CUX1: variants seen among roughly 807,000 people sequenced by gnomAD.
The protein encoded by CUX1 is protein CASP.
Under a neutral mutation model 158.8 loss-of-function variants are expected in CUX1, and 31 were observed. That is an observed-to-expected ratio of 0.20 (90% CI 0.15 to 0.26). The LOEUF is 0.26. Ranked by LOEUF, CUX1 falls within the 10% of genes least tolerant of loss-of-function variation. The pLI, the probability that CUX1 is intolerant of heterozygous loss-of-function variation, is 1.00. For missense variants in CUX1, 1,589 were observed against 2,014.6 expected (o/e 0.79, Z 4.04); for synonymous variants, 879 against 862.1 (o/e 1.02, Z -0.34).
At chr7:101,889,582 CCAGCATGGT>C (rs1410434510) in intron 1 of CUX1, among the ~76,000 whole-genome samples, 1 of 152,102 alleles carries the variant, frequency 6.6e-6, no homozygotes, top group African/African-American at 2.4e-5. Flanking sequence ...ACCAGCCTGG[CCAGCATGGT>C]GGAACCCCAT....
intron 1 of CUX1, among the ~76,000 whole-genome samples, chr7:101,873,320 T>A (rs1053006576): frequency 6.7e-6 from 1 of 150,058 alleles, no homozygotes; most frequent in African/African-American, 2.4e-5. Flanking sequence ...TTAGCTATTT[T>A]TCCTAATGCT....
intron 2 of CUX1, among the ~76,000 whole-genome samples, chr7:101,978,362 C>G (rs1246896304): frequency 1.3e-5 from 2 of 152,194 alleles, no homozygotes; most frequent in Admixed American, 6.5e-5. Context: ...GCTGCTCAGG[C>G]TAAAACCTAG....
chr7:101,817,208 G>A, upstream of CUX1: 2 of 984,302 alleles, frequency 2.0e-6, no homozygotes, highest in Non-Finnish European at 1.2e-6. This position sits in a 1 kb window ranked among gnomAD's most constrained non-coding sequence, Gnocchi z 4.1. Context: ...GGCAGTGTAC[G>A]CTGCCTCCCC....
intron 1 of CUX1, among the ~76,000 whole-genome samples, chr7:101,835,799 G>C (rs961977326): frequency 6.6e-6 from 1 of 152,128 alleles, no homozygotes; most frequent in Non-Finnish European, 1.5e-5. Flanking sequence ...GCAATGGCGC[G>C]ATCTTGGCTC....
intron 11 of CUX1, among the ~76,000 whole-genome samples, chr7:102,187,674 A>ATT (rs59875022): frequency 2.1e-5 from 3 of 142,400 alleles, no homozygotes; most frequent in African/African-American, 7.7e-5. Flanking sequence ...AATTTTTTGT[A>ATT]TTTTTTTTTT....
chr7:102,000,111 AAGGCTG>A (rs1816500828), intron 2 of CUX1, among the ~76,000 whole-genome samples: 1 of 152,118 alleles, frequency 6.6e-6, no homozygotes, highest in South Asian at 2.1e-4. Context: ...AGTTACTCAG[AAGGCTG>A]AGGCAGGAGA....
At chr7:102,148,468 C>T (rs549047441) in intron 8 of CUX1, among the ~76,000 whole-genome samples, 10 of 151,916 alleles carry the variant, frequency 6.6e-5, no homozygotes, top group East Asian at 1.9e-4. Flanking sequence ...ACTTGAACCC[C>T]GAAGGCAGAG....
rs1323264023 is a variant in CUX1 at position 102,222,846 on chromosome 7, G to C, written c.3131-4521G>C. On this transcript the variant is annotated intron_variant, in intron 20 of 23. Coordinates refer to ENST00000292535, the MANE Select transcript of CUX1 (RefSeq NM_181552.4). Reference sequence around the variant, plus strand: ...TTTTTTTTTTTTTTTTTGAGACAGAGTCTCACTCTGTTGCCCAGGCTGGAA... The same window carrying C: ...TTTTTTTTTTTTTTTTTGAGACAGACTCTCACTCTGTTGCCCAGGCTGGAA... Among the ~76,000 whole-genome samples the C allele has an allele frequency of 1.2e-3, 22 of 18,476 alleles. 1 individual carries two copies. The highest frequency in any genetic ancestry group is 8.8e-4 in the Admixed American group (1 of 1,142). The allele number at this position is 18,476 out of a possible 152,430, so 12.1% of individuals were successfully genotyped here.
At chr7:102,273,514 C>T (rs1346544775) in intron 15 of CUX1, 6 of 1,598,150 alleles carry the variant, frequency 3.8e-6, no homozygotes, top group African/African-American at 1.3e-5. Context: ...CCCCCTGCCC[C>T]ATGCCCATCT....
intron 8 of CUX1, among the ~76,000 whole-genome samples, chr7:102,132,683 T>TTC (rs1554497692): frequency 1.4e-5 from 2 of 144,842 alleles, no homozygotes; most frequent in Non-Finnish European, 3.0e-5. Context: ...TGCTTTTCTT[T>TTC]TTTTTTTTTT....
At chr7:101,934,644 C>G (rs1258753195) in intron 2 of CUX1, among the ~76,000 whole-genome samples, 1 of 152,164 alleles carries the variant, frequency 6.6e-6, no homozygotes, top group Non-Finnish European at 1.5e-5. Flanking sequence ...AAGTTGCCCG[C>G]TCCGTCCACG....
intron 2 of CUX1, among the ~76,000 whole-genome samples, chr7:101,993,146 A>G (rs1340806125): frequency 1.3e-5 from 2 of 152,070 alleles, no homozygotes; most frequent in Non-Finnish European, 2.9e-5. Context: ...CCTGACCAAC[A>G]TGGCAAAACC....
intron 8 of CUX1, among the ~76,000 whole-genome samples, chr7:102,139,902 C>A (rs2131381601): frequency 6.6e-6 from 1 of 152,158 alleles, no homozygotes; most frequent in South Asian, 2.1e-4. Flanking sequence ...AAGCGATCCT[C>A]CAGCAGTCCT....
chr7:102,121,698 C>A (rs1014254811), intron 8 of CUX1, among the ~76,000 whole-genome samples: 3 of 152,124 alleles, frequency 2.0e-5, no homozygotes, highest in African/African-American at 7.2e-5. Flanking sequence ...TGAGTGTTAT[C>A]TTGTTTGCCC....
Position 101,952,798 on chromosome 7 carries a change from C to A in CUX1, c.141+36573C>A, listed in dbSNP as rs1809253282. 2.0e-5 allele frequency among the ~76,000 whole-genome samples: 3 copies of A among 152,194 alleles called. No homozygotes were observed. The South Asian group carries it at 6.2e-4, about 31-fold the overall frequency. On this transcript the variant is annotated intron_variant, in intron 2 of 23. Coordinates refer to ENST00000292535, the MANE Select transcript of CUX1 (RefSeq NM_181552.4). The stretch of plus-strand genomic sequence containing the variant: ...CAGAGGTGTGTTGGGAGGTCCCCAC[C>A]CCTTGCCTCTGCCCGTTGCCTTTTC...
rs532390644 is a variant in CUX1 at position 101,928,043 on chromosome 7, C to T, written c.141+11818C>T. 4.6e-5 allele frequency among the ~76,000 whole-genome samples: 7 copies of T among 152,236 alleles called. No individual in the cohort carries two copies. In the South Asian group the frequency reaches 8.3e-4, roughly 18 times the overall value. On this transcript the variant is annotated intron_variant, in intron 2 of 23. Coordinates refer to ENST00000292535, the MANE Select transcript of CUX1 (RefSeq NM_181552.4). ...GTGTCGCTTCCTTCATGTGTCCAGC[C>T]GTTTTTACAGGGCTATTTTAAGTAT...
intron 2 of CUX1, among the ~76,000 whole-genome samples, chr7:102,016,691 C>T (rs1172555408): frequency 6.6e-6 from 1 of 152,180 alleles, no homozygotes; most frequent in Non-Finnish European, 1.5e-5. Context: ...CCCCTGGTGT[C>T]GGAATCCACA....
rs139424416 is a variant in CUX1 at position 102,204,899 on chromosome 7, A to G, written c.3074-215A>G. 4.5e-3 allele frequency among the ~76,000 whole-genome samples: 687 copies of G among 152,366 alleles called. 7 individuals are homozygous for G. Among genetic ancestry groups the G allele is most frequent in the African/African-American group, 0.016 (653 of 41,588 alleles). ...TCAGGAAAGAAAGTCAGCCAAAGGTACAAAAGTGGAAGATGTCACAGGCGA... is the reference window on the plus strand; with the variant it reads ...TCAGGAAAGAAAGTCAGCCAAAGGTGCAAAAGTGGAAGATGTCACAGGCGA... On this transcript the variant is annotated intron_variant, in intron 19 of 23. Coordinates refer to ENST00000292535, the MANE Select transcript of CUX1 (RefSeq NM_181552.4).
chr7:101,959,101 C>T (rs1033577733), intron 2 of CUX1, among the ~76,000 whole-genome samples: 3 of 151,912 alleles, frequency 2.0e-5, no homozygotes, highest in African/African-American at 7.3e-5. Context: ...CTTAAGTGAT[C>T]CGCCCACTTC....
Sources: allele counts gnomAD v4.1 joint callset (sites outside exome capture counted in the v4.1 genomes callset), GRCh38; gene constraint gnomAD v4.1.1; non-coding constraint Gnocchi (gnomAD v3.1); transcripts MANE v1.5; gene names NCBI Gene and HGNC (gene_info 2026-07-23, HGNC 2026-07-21).